Variants in PCDH11X observed in about 807,000 individuals in gnomAD.
The protein encoded by PCDH11X is protocadherin 11 X-linked.
PCDH11X carries 18 observed loss-of-function variants against 53.3 expected under a neutral mutation model. The ratio of observed to expected loss-of-function variants is 0.34; its 90% CI spans 0.23 to 0.50. PCDH11X has a LOEUF of 0.50. PCDH11X is among the 20% of genes least tolerant of loss of function. The pLI is 0.98. For missense variants in PCDH11X, 570 were observed against 1,032.4 expected, an observed-to-expected ratio of 0.55 and a Z score of 6.14; for synonymous variants, 279 against 393.3, an observed-to-expected ratio of 0.71 and a Z score of 3.44.
At chrX:91,804,857 T>C (rs759570026) in intron 1 of PCDH11X, among the ~76,000 whole-genome samples, 1 of 108,321 alleles carries the variant, frequency 9.2e-6, no homozygotes, top group South Asian at 4.1e-4. Flanking sequence ...TAGAGAGAAA[T>C]CCAAGAATAG....
intron 7 of PCDH11X, among the ~76,000 whole-genome samples, chrX:92,231,978 G>A (rs2067083314): frequency 9.0e-6 from 1 of 111,408 alleles, no homozygotes; most frequent in Non-Finnish European, 1.9e-5. Context: ...TTCCATCTTA[G>A]GCCACACTTG....
At position 91,999,185 on chromosome X, in the gene PCDH11X, G is replaced by A. The variant is rs574706235; in HGVS notation, c.3033+119912G>A. Among the ~76,000 whole-genome samples the A allele has an allele frequency of 1.4e-3, 152 of 111,296 alleles. 3 individuals carry two copies. The South Asian group carries it at 0.055, about 41-fold the overall frequency. ...CTGCCTCAACCTTCCAAAGTGCTGG[G>A]ATTACAGACATGAGCCACCATCCCC... On this transcript the variant is annotated intron_variant, in intron 6 of 10. Transcript: ENST00000682573.
At chrX:92,418,328 A>G (rs1009103352) in intron 9 of PCDH11X, among the ~76,000 whole-genome samples, 4 of 111,278 alleles carry the variant, frequency 3.6e-5, no homozygotes, top group Non-Finnish European at 5.7e-5. Flanking sequence ...TCACAAAAGT[A>G]TGCATGCATT....
At chrX:92,480,484 G>A (rs767068528) in intron 10 of PCDH11X, among the ~76,000 whole-genome samples, 1 of 109,380 alleles carries the variant, frequency 9.1e-6, no homozygotes, top group Non-Finnish European at 1.9e-5. Flanking sequence ...GTGGGCTGAT[G>A]TTCCTTTAGT....
intron 5 of PCDH11X, among the ~76,000 whole-genome samples, chrX:91,863,530 G>A (rs1938802123): frequency 8.9e-6 from 1 of 111,743 alleles, no homozygotes; most frequent in African/African-American, 3.2e-5. Context: ...CAGATCACTG[G>A]TTCTCATTTT....
At chrX:92,115,262 G>T (rs1488043534) in intron 6 of PCDH11X, among the ~76,000 whole-genome samples, 3 of 110,695 alleles carry the variant, frequency 2.7e-5, no homozygotes, top group Non-Finnish European at 5.7e-5. Context: ...AGATCAACAT[G>T]ACTGTATTTG....
intron 10 of PCDH11X, among the ~76,000 whole-genome samples, chrX:92,556,710 C>A (rs1413303004): frequency 1.8e-5 from 2 of 108,844 alleles, no homozygotes; most frequent in Admixed American, 2.0e-4. Context: ...GGTGGACCTA[C>A]CATTCTGGGG....
At chrX:92,143,037 GAGGCTA>G (rs2065213029) in intron 6 of PCDH11X, among the ~76,000 whole-genome samples, 1 of 111,423 alleles carries the variant, frequency 9.0e-6, no homozygotes, top group Admixed American at 9.6e-5. Context: ...AGCATTTTGG[GAGGCTA>G]AGGTGGGAGG....
chrX:92,210,269 CA>C (rs1288359827), intron 7 of PCDH11X, among the ~76,000 whole-genome samples: 5 of 73,103 alleles, frequency 6.8e-5, no homozygotes, highest in Non-Finnish European at 9.4e-5. Context: ...GACAGAATCT[CA>C]CTCTGTCACC....
chrX:91,937,717 C>T (rs146892122), intron 6 of PCDH11X, among the ~76,000 whole-genome samples: 5,091 of 110,820 alleles, frequency 0.046, 261 homozygotes, highest in African/African-American at 0.15. Context: ...CTGTCTTTAG[C>T]GACTGTATAA....
At chrX:92,178,028 T>C in intron 6 of PCDH11X, among the ~76,000 whole-genome samples, 2 of 111,180 alleles carry the variant, frequency 1.8e-5, no homozygotes. Flanking sequence ...AGAGAAGGAT[T>C]AGAAGCCTTG....
intron 10 of PCDH11X, among the ~76,000 whole-genome samples, chrX:92,568,119 T>C (rs915942798): frequency 1.7e-4 from 18 of 109,049 alleles, no homozygotes; most frequent in Non-Finnish European, 3.4e-4. Flanking sequence ...CCATCCTCAA[T>C]ACACTACAAA....
At chrX:92,145,184 A>C (rs2148223477) in intron 6 of PCDH11X, among the ~76,000 whole-genome samples, 1 of 111,543 alleles carries the variant, frequency 9.0e-6, no homozygotes, top group East Asian at 2.8e-4. Flanking sequence ...CTAATTTTGT[A>C]TTCATTAAGT....
intron 9 of PCDH11X, among the ~76,000 whole-genome samples, chrX:92,395,939 G>C (rs918723895): frequency 3.3e-4 from 33 of 99,040 alleles, no homozygotes; most frequent in Non-Finnish European, 5.6e-4. Context: ...TATGTGATGA[G>C]GCCCTTTTTT....
intron 8 of PCDH11X, among the ~76,000 whole-genome samples, chrX:92,308,702 C>A (rs1244121221): frequency 1.8e-5 from 2 of 110,867 alleles, no homozygotes; most frequent in African/African-American, 6.6e-5. Flanking sequence ...GAAAAAGCAA[C>A]CCACAGAATT....
intron 10 of PCDH11X, among the ~76,000 whole-genome samples, chrX:92,547,669 C>T (rs899620980): frequency 1.2e-4 from 13 of 111,209 alleles, no homozygotes; most frequent in African/African-American, 4.3e-4. Context: ...TAAACATTTA[C>T]CTTGAGAAAA....
rs1196571403 is a variant in PCDH11X at position 91,995,176 on chromosome X, T to C, written c.3033+115903T>C. On this transcript the variant is annotated intron_variant, in intron 6 of 10. Coordinates refer to ENST00000682573, the MANE Select transcript of PCDH11X (RefSeq NM_032968.5). ...TTTAGTTTAATGTAGTTCCAATTGT[T>C]TATCTTTGCATTTGTTGCCTATCCT... is the stretch of plus-strand genomic sequence containing the variant. Among the ~76,000 whole-genome samples the C allele has an allele frequency of 3.7e-5, 4 of 108,288 alleles. No individual in the cohort carries two copies. In the Admixed American group the frequency reaches 4.0e-4, roughly 11 times the overall value. 94.0% of individuals were successfully genotyped at this position (108,288 alleles called of 115,157 possible).
intron 6 of PCDH11X, among the ~76,000 whole-genome samples, chrX:91,970,739 A>C (rs370594340): frequency 8.9e-6 from 1 of 111,941 alleles, no homozygotes; most frequent in East Asian, 2.8e-4. Flanking sequence ...CCTTTCGAAA[A>C]CATCAGGTGC....
Position 92,006,145 on chromosome X carries a change from T to C in PCDH11X, c.3033+126872T>C, listed in dbSNP as rs376997917. On this transcript the variant is annotated intron_variant, in intron 6 of 10. Transcript: ENST00000682573. The stretch of plus-strand genomic sequence containing the variant: ...TTTCTTATACTTGGATATTGATGTC[T>C]TTCTCTAGGTTTGAGAAGTTTTCTG... Among the ~76,000 whole-genome samples the C allele has an allele frequency of 6.4e-5, 7 of 109,840 alleles. No individual in the cohort carries two copies. In the East Asian group the frequency reaches 1.4e-3, roughly 23 times the overall value.
Sources: gnomAD v4.1 joint callset for allele counts (sites outside exome capture counted in the v4.1 genomes callset) on GRCh38, gnomAD v4.1.1 for gene constraint, MANE v1.5 for transcripts, NCBI Gene and HGNC (gene_info 2026-07-23, HGNC 2026-07-21) for gene names.